Variants in DTNB observed in about 807,000 individuals in gnomAD.
DTNB encodes the protein DTN-B.
Under a neutral mutation model 90.7 loss-of-function variants are expected in DTNB, and 63 were observed. The ratio of observed to expected loss-of-function variants is 0.69; its 90% CI spans 0.57 to 0.86. The LOEUF is 0.86. Among genes scored for constraint, DTNB ranks in the 40% least tolerant of loss-of-function variants. DTNB has a pLI of 0.00. For missense variants in DTNB, 744 were observed against 807.1 expected (o/e 0.92, Z 0.95); for synonymous variants, 277 against 286.7 (o/e 0.97, Z 0.34).
At chr2:25,616,931 CA>C (rs70947896) in intron 4 of DTNB, among the ~76,000 whole-genome samples, 3,741 of 70,364 alleles carry the variant, frequency 0.053, 143 homozygotes, top group African/African-American at 0.23. Flanking sequence ...GACCCCGTCT[CA>C]AAAAAAAAAA....
At chr2:25,559,485 C>T (rs1458496353) in intron 8 of DTNB, among the ~76,000 whole-genome samples, 2 of 152,170 alleles carry the variant, frequency 1.3e-5, no homozygotes, top group East Asian at 1.9e-4. Context: ...CTTAAAACTC[C>T]GATTTTGAAT....
At chr2:25,665,580 C>A (rs577461209) in intron 1 of DTNB, among the ~76,000 whole-genome samples, 1 of 151,844 alleles carries the variant, frequency 6.6e-6, no homozygotes, top group Non-Finnish European at 1.5e-5. Flanking sequence ...GAGCTGAGAT[C>A]GTGCCACTGC....
chr2:25,458,929 G>A (rs1339579635), intron 10 of DTNB, among the ~76,000 whole-genome samples: 1 of 152,108 alleles, frequency 6.6e-6, no homozygotes, highest in Non-Finnish European at 1.5e-5. Flanking sequence ...ACAGGCATGA[G>A]CCACCATGCC....
At chr2:25,505,804 G>T (rs2072255622) in intron 9 of DTNB, among the ~76,000 whole-genome samples, 1 of 152,074 alleles carries the variant, frequency 6.6e-6, no homozygotes, top group South Asian at 2.1e-4. Flanking sequence ...CATCTTTGAC[G>T]TCAATGTCTT....
chr2:25,633,733 G>A (rs1220432950), intron 3 of DTNB, among the ~76,000 whole-genome samples: 2 of 151,118 alleles, frequency 1.3e-5, no homozygotes, highest in African/African-American at 2.4e-5. Context: ...GCCTCTTCCC[G>A]ACCGCCATCC....
At chr2:25,396,016 C>T (rs1011572587) in intron 16 of DTNB, among the ~76,000 whole-genome samples, 7 of 152,104 alleles carry the variant, frequency 4.6e-5, no homozygotes, top group African/African-American at 1.7e-4. Context: ...ATGGAACCAG[C>T]CCAAATGCCC....
chr2:25,591,119 T>C (rs2063485609), intron 6 of DTNB, among the ~76,000 whole-genome samples: 2 of 152,100 alleles, frequency 1.3e-5, no homozygotes, highest in African/African-American at 4.8e-5. Flanking sequence ...GGAGCAGGTG[T>C]TGGGAGCAGG....
chr2:25,592,752 T>C lies in DTNB; in HGVS notation c.603+3334A>G, dbSNP rs375413117. Among the ~76,000 whole-genome samples, 21 of 152,312 alleles carry C rather than the reference T, an allele frequency of 1.4e-4. 1 individual carries two copies. The highest frequency in any genetic ancestry group is 4.8e-4 in the African/African-American group (20 of 41,566). ...GAAAGGTGCGCAGAGTACAACACTGTGGACTTAAAAATCATAAGGTATATG... is the reference window on the plus strand; with the variant it reads ...GAAAGGTGCGCAGAGTACAACACTGCGGACTTAAAAATCATAAGGTATATG... On this transcript the variant is annotated intron_variant, in intron 6 of 20. Transcript: ENST00000406818.
At chr2:25,456,559 G>T (rs577019513) in intron 10 of DTNB, among the ~76,000 whole-genome samples, 15 of 151,036 alleles carry the variant, frequency 9.9e-5, no homozygotes, top group East Asian at 1.9e-4. Flanking sequence ...ACATTTCTGG[G>T]TTTTTTTTTG....
At chr2:25,587,104 A>G (rs1242693567) in intron 6 of DTNB, among the ~76,000 whole-genome samples, 1 of 152,176 alleles carries the variant, frequency 6.6e-6, no homozygotes, top group Non-Finnish European at 1.5e-5. Context: ...GTAGAGCGGG[A>G]GCAATCAGGA....
chr2:25,424,107 TA>T lies in DTNB; in HGVS notation c.1554+3427del, dbSNP rs2050716118. On this transcript the variant is annotated intron_variant, in intron 15 of 20. Transcript: ENST00000406818. This position sits in a 1 kb window ranked among gnomAD's most constrained non-coding sequence, Gnocchi z 4.1. ...TAATACAAAAATTAAGATTACGTGGTAATTCTTTTAGGAAGCTGGACACTAA... is the reference window on the plus strand; with the variant it reads ...TAATACAAAAATTAAGATTACGTGGTATTCTTTTAGGAAGCTGGACACTAA... Among the ~76,000 whole-genome samples, 1 of 152,204 alleles carries T rather than the reference TA, an allele frequency of 6.6e-6. No homozygotes were observed. Among genetic ancestry groups the T allele is most frequent in the South Asian group, 2.1e-4 (1 of 4,830 alleles).
intron 19 of DTNB, among the ~76,000 whole-genome samples, chr2:25,382,371 GAA>G (rs779698390): frequency 4.7e-4 from 72 of 152,210 alleles, no homozygotes; most frequent in South Asian, 6.2e-4. Flanking sequence ...TGTTTAGGAG[GAA>G]TCCAGCAACT....
At chr2:25,377,930 A>G (rs1301133166) in intron 20 of DTNB, among the ~76,000 whole-genome samples, 1 of 152,142 alleles carries the variant, frequency 6.6e-6, no homozygotes, top group African/African-American at 2.4e-5. Context: ...GCGGCACCCA[A>G]GTTTTATACT....
intron 16 of DTNB, among the ~76,000 whole-genome samples, chr2:25,417,572 C>A (rs1292971679): frequency 6.6e-6 from 1 of 152,172 alleles, no homozygotes; most frequent in African/African-American, 2.4e-5. Flanking sequence ...CCAGTCTGTG[C>A]TCACTTGGAG....
chr2:25,600,916 A>G (rs2065741498), intron 5 of DTNB, among the ~76,000 whole-genome samples: 1 of 152,360 alleles, frequency 6.6e-6, no homozygotes, highest in South Asian at 2.1e-4. Context: ...TAACAGGCCT[A>G]TATTACAATA....
rs1489345314 is a variant in DTNB at position 25,652,650 on chromosome 2, T to A, written c.11A>T (p.Glu4Val). 10 of 1,612,446 alleles carry A rather than the reference T, an allele frequency of 6.2e-6. No homozygotes were observed. The highest frequency in any genetic ancestry group is 8.5e-6 in the Non-Finnish European group (10 of 1,179,624). ...CATGGTCTTCCGCTTGTTCCCACTT[T>A]CCTCAATCATCCTAGAGACAAAGAA... MIE[E>V]SGNKRKTMAE... The change falls in exon 2 of 21, where the codon GAA becomes GTA. Residue 4 changes from glutamate to valine, a missense_variant. Physicochemically the swap from Glu to Val is moderately radical, Grantham distance 121. Coordinates refer to ENST00000406818, the MANE Select transcript of DTNB (RefSeq NM_021907.5).
intron 8 of DTNB, among the ~76,000 whole-genome samples, chr2:25,546,534 T>C (rs1291168982): frequency 2.0e-5 from 3 of 152,226 alleles, no homozygotes; most frequent in African/African-American, 7.2e-5. Context: ...TAGTTCCACT[T>C]ACCTTGTTTC....
intron 15 of DTNB, among the ~76,000 whole-genome samples, chr2:25,425,599 T>C (rs1323715029): frequency 1.3e-5 from 2 of 152,226 alleles, no homozygotes; most frequent in Non-Finnish European, 2.9e-5. Flanking sequence ...TCCTAAACTG[T>C]TATTTTTAAA....
At position 25,596,107 on chromosome 2, in the gene DTNB, G is replaced by A; in HGVS notation, c.582C>T (p.Val194=). 2 of 1,611,936 alleles carry A rather than the reference G, an allele frequency of 1.2e-6. No homozygotes were observed. Among genetic ancestry groups the A allele is most frequent in the Non-Finnish European group, 1.7e-6 (2 of 1,179,106 alleles). The part of the protein sequence containing the change: ...GPSFGYTEHS[V]RTCFPQQRKI... ...TTACCTGCTGTGGAAAACAGGTGCG[G>A]ACTGAGTGCTCTGTGTAACCAAAAG... Residue 194 remains valine (V), a synonymous_variant, in exon 6 of 21, where the codon GTC becomes GTT. Coordinates refer to ENST00000406818, the MANE Select transcript of DTNB (RefSeq NM_021907.5).
Sources: allele counts gnomAD v4.1 joint callset (sites outside exome capture counted in the v4.1 genomes callset), GRCh38; gene constraint gnomAD v4.1.1; non-coding constraint Gnocchi (gnomAD v3.1); transcripts MANE v1.5; gene names NCBI Gene and HGNC (gene_info 2026-07-23, HGNC 2026-07-21).